Variants in CACNB2 observed in about 807,000 individuals in gnomAD.
The protein encoded by CACNB2 is voltage-dependent L-type calcium channel subunit beta-2.
Under a neutral mutation model 73.3 loss-of-function variants are expected in CACNB2, and 42 were observed. The ratio of observed to expected loss-of-function variants is 0.57; its 90% CI spans 0.45 to 0.74. The LOEUF (loss-of-function observed/expected upper bound fraction) is 0.74. Among genes scored for constraint, CACNB2 ranks in the 30% least tolerant of loss-of-function variants. The pLI, the probability that CACNB2 is intolerant of heterozygous loss-of-function variation, is 0.00. For synonymous variants in CACNB2, 348 were observed against 310.3 expected, an observed-to-expected ratio of 1.12 and a Z score of -1.28; for missense variants, 940 against 853.0, an observed-to-expected ratio of 1.10 and a Z score of -1.27.
chr10:18,179,282 A>G (rs16916925), intron 2 of CACNB2, among the ~76,000 whole-genome samples: 18,299 of 152,186 alleles, frequency 0.12, 1,176 homozygotes, highest in South Asian at 0.14. Flanking sequence ...AGCCCTTGCT[A>G]TCTGAGAAAT....
chr10:18,512,609 T>C (rs889625304), intron 6 of CACNB2, among the ~76,000 whole-genome samples: 3 of 152,212 alleles, frequency 2.0e-5, no homozygotes, highest in Non-Finnish European at 4.4e-5. Context: ...GGATTTTAAA[T>C]GATAACTAGG....
intron 3 of CACNB2, among the ~76,000 whole-genome samples, chr10:18,411,262 TAAATA>T (rs2044611356): frequency 6.6e-6 from 1 of 152,136 alleles, no homozygotes; most frequent in Admixed American, 6.5e-5. Context: ...CTACCTGTGA[TAAATA>T]AAAAGAGTGC....
intron 3 of CACNB2, among the ~76,000 whole-genome samples, chr10:18,440,926 G>A (rs72786098): frequency 0.018 from 2,779 of 152,304 alleles, 35 homozygotes; most frequent in Non-Finnish European, 0.031. Flanking sequence ...ACATCTGATG[G>A]AAGGTGCTGA....
At chr10:18,359,978 C>T (rs2042078354) in intron 2 of CACNB2, among the ~76,000 whole-genome samples, 1 of 152,046 alleles carries the variant, frequency 6.6e-6, no homozygotes, top group Non-Finnish European at 1.5e-5. Context: ...TCAAATTAAG[C>T]CATAAACATA....
intron 9 of CACNB2, among the ~76,000 whole-genome samples, chr10:18,522,332 C>A (rs554282354): frequency 6.6e-6 from 1 of 152,104 alleles, no homozygotes; most frequent in African/African-American, 2.4e-5. Flanking sequence ...CATCTCAAAA[C>A]CATCTCCCCA....
intron 12 of CACNB2, among the ~76,000 whole-genome samples, chr10:18,536,420 G>A (rs377217092): frequency 7.5e-4 from 114 of 151,304 alleles, no homozygotes; most frequent in African/African-American, 2.5e-3. Context: ...CACCATGATC[G>A]GCTAACTTTT....
intron 3 of CACNB2, among the ~76,000 whole-genome samples, chr10:18,469,518 A>C (rs1166018159): frequency 6.6e-6 from 1 of 152,230 alleles, no homozygotes; most frequent in Non-Finnish European, 1.5e-5. Context: ...TCATGTTCCA[A>C]GTCCTCTTGC....
chr10:18,153,298 AG>A (rs1416331128), intron 2 of CACNB2, among the ~76,000 whole-genome samples: 1 of 152,192 alleles, frequency 6.6e-6, no homozygotes, highest in Non-Finnish European at 1.5e-5. Context: ...ATGATTACAC[AG>A]GCGTATCATT....
chr10:18,194,140 C>A (rs2034524587), intron 2 of CACNB2, among the ~76,000 whole-genome samples: 1 of 152,154 alleles, frequency 6.6e-6, no homozygotes, highest in African/African-American at 2.4e-5. Flanking sequence ...TCTGAGCTCA[C>A]TGCTGTGGTT....
intron 2 of CACNB2, among the ~76,000 whole-genome samples, chr10:18,192,960 CTG>C (rs534417831): frequency 1.1e-4 from 16 of 152,212 alleles, no homozygotes; most frequent in Middle Eastern, 6.8e-3. Flanking sequence ...ATTTATGTAT[CTG>C]TACTTGTTTG....
At chr10:18,183,130 C>T (rs2033973586) in intron 2 of CACNB2, among the ~76,000 whole-genome samples, 1 of 152,014 alleles carries the variant, frequency 6.6e-6, no homozygotes, top group African/African-American at 2.4e-5. Context: ...TTTCAAGGCT[C>T]TTCTTTCTCA....
chr10:18,158,941 G>C (rs2032252878), intron 2 of CACNB2, among the ~76,000 whole-genome samples: 1 of 152,176 alleles, frequency 6.6e-6, no homozygotes, highest in Admixed American at 6.5e-5. Flanking sequence ...AGTTAAAGCA[G>C]CTTTGATGAG....
At chr10:18,442,776 G>T (rs1157216816) in intron 3 of CACNB2, among the ~76,000 whole-genome samples, 4 of 149,948 alleles carry the variant, frequency 2.7e-5, no homozygotes, top group African/African-American at 9.8e-5. Context: ...AGTGAGCCGA[G>T]ATGGCGCCAT....
intron 2 of CACNB2, among the ~76,000 whole-genome samples, chr10:18,316,687 C>A (rs2040199485): frequency 6.6e-6 from 1 of 152,070 alleles, no homozygotes; most frequent in South Asian, 2.1e-4. Context: ...GTCTTGGACC[C>A]CTGGGCTAAA....
intron 2 of CACNB2, among the ~76,000 whole-genome samples, chr10:18,279,250 C>T (rs1026528206): frequency 3.9e-5 from 6 of 152,172 alleles, no homozygotes; most frequent in African/African-American, 1.4e-4. Flanking sequence ...CCCCTCCCTC[C>T]CGGATCTCCC....
chr10:18,522,214 G>C (rs1400708895), intron 9 of CACNB2, among the ~76,000 whole-genome samples: 1 of 151,868 alleles, frequency 6.6e-6, no homozygotes, highest in Non-Finnish European at 1.5e-5. Flanking sequence ...AACAAGCTCA[G>C]GGATCCCACT....
rs1248236971 is a variant in CACNB2 at position 18,468,896 on chromosome 10, G to A, written c.334-29459G>A. ...TTACAGGCATGAGCCACCATGCCTGGCCATGCATCTGAATTTTTTAAAGGT... is the reference window on the plus strand; with the variant it reads ...TTACAGGCATGAGCCACCATGCCTGACCATGCATCTGAATTTTTTAAAGGT... On this transcript the variant is annotated intron_variant, in intron 3 of 13. Transcript: ENST00000324631. Among the ~76,000 whole-genome samples, 5 of 152,190 alleles carry A rather than the reference G, an allele frequency of 3.3e-5. No homozygotes were observed. In the East Asian group the frequency reaches 5.8e-4, roughly 18 times the overall value.
At chr10:18,251,641 A>C (rs777628752) in intron 2 of CACNB2, among the ~76,000 whole-genome samples, 2 of 152,248 alleles carry the variant, frequency 1.3e-5, no homozygotes, top group Admixed American at 6.5e-5. Context: ...GTAACTTATG[A>C]AGAAAAGAGG....
At chr10:18,339,507 C>A (rs1289076581) in intron 2 of CACNB2, among the ~76,000 whole-genome samples, 1 of 152,076 alleles carries the variant, frequency 6.6e-6, no homozygotes, top group Non-Finnish European at 1.5e-5. Flanking sequence ...GGCAACACAG[C>A]AAGACTCCAT....
Sources: gnomAD v4.1 joint callset for allele counts (sites outside exome capture counted in the v4.1 genomes callset) on GRCh38, gnomAD v4.1.1 for gene constraint, MANE v1.5 for transcripts, NCBI Gene and HGNC (gene_info 2026-07-23, HGNC 2026-07-21) for gene names.